The following COTL1 variants were observed in gnomAD, a reference collection of about 807,000 sequenced individuals.
COTL1 encodes coactosin-like protein.
COTL1 carries 15 observed loss-of-function variants against 16.5 expected under a neutral mutation model. That is an observed-to-expected ratio of 0.91 (90% CI 0.61 to 1.40). The LOEUF is 1.40. COTL1 is among the 40% of genes most tolerant of loss of function. The pLI, the probability that COTL1 is intolerant of heterozygous loss-of-function variation, is 0.00. For synonymous variants in COTL1, 112 were observed against 85.3 expected (o/e 1.31, Z -1.73); for missense variants, 220 against 201.5 (o/e 1.09, Z -0.56).
At chr16:84,598,795 T>C (rs1444457109) in intron 2 of COTL1, among the ~76,000 whole-genome samples, 1 of 11,952 alleles carries the variant, frequency 8.4e-5, no homozygotes, top group Non-Finnish European at 1.9e-4. Context: ...GAGAACCAAG[T>C]GGGGGCGGCG....
intron 2 of COTL1, among the ~76,000 whole-genome samples, chr16:84,609,125 G>A (rs113962364): frequency 1.1e-4 from 17 of 152,204 alleles, no homozygotes; most frequent in South Asian, 6.2e-4. Flanking sequence ...TCTGAAACCC[G>A]GGTGTGTATG....
intron 2 of COTL1, among the ~76,000 whole-genome samples, chr16:84,614,566 TGAGTGCCA>T (rs1361074994): frequency 1.3e-5 from 2 of 151,968 alleles, no homozygotes; most frequent in African/African-American, 4.8e-5. Flanking sequence ...AGAGAATGCC[TGAGTGCCA>T]GAGTGGGGAG....
intron 3 of COTL1, among the ~76,000 whole-genome samples, chr16:84,578,696 T>C (rs1055379459): frequency 2.0e-5 from 3 of 147,120 alleles, no homozygotes; most frequent in Admixed American, 2.0e-4. Flanking sequence ...CACAGGAATG[T>C]ACCCACACAG....
chr16:84,615,563 T>C (rs1054938239), intron 2 of COTL1, among the ~76,000 whole-genome samples: 1 of 152,060 alleles, frequency 6.6e-6, no homozygotes, highest in African/African-American at 2.4e-5. Flanking sequence ...AGAAGCTGAA[T>C]TTAGGGAGGG....
intron 2 of COTL1, among the ~76,000 whole-genome samples, chr16:84,601,629 G>A (rs565062561): frequency 1.3e-5 from 2 of 152,268 alleles, no homozygotes; most frequent in East Asian, 1.9e-4. Flanking sequence ...GCTAATTTTT[G>A]TATTTTAATA....
In COTL1 at chr16:84,590,072, C is replaced by T. The variant is rs192378634; in HGVS notation, c.318+33G>A. The T allele has an allele frequency of 2.5e-6, 4 of 1,586,142 alleles. No individual in the cohort carries two copies. The South Asian group carries it at 3.4e-5, about 13-fold the overall frequency. ...TTGCAGGATGGTGACCCTTGGCGAGCTTTGACCTCCAGACTCTGGAGGAAC... is the reference window on the plus strand; with the variant it reads ...TTGCAGGATGGTGACCCTTGGCGAGTTTTGACCTCCAGACTCTGGAGGAAC... On this transcript the variant is annotated intron_variant, in intron 3 of 3. Transcript: ENST00000262428. This position sits in a 1 kb window ranked among gnomAD's most constrained non-coding sequence, Gnocchi z 5.5.
intron 3 of COTL1, 115 bp from the exon 4 acceptor site, chr16:84,567,070 AAATGGAAATTCAGCAGCAGAGTCAGTC>A (rs71666353): frequency 0.029 from 20,598 of 717,876 alleles, 558 homozygotes; most frequent in African/African-American, 0.1. Flanking sequence ...TGAGAGATGG[AAATGGAAATTCAGCAGCAGAGTCAGTC>A]AATGGAAATT....
intron 3 of COTL1, among the ~76,000 whole-genome samples, chr16:84,572,524 G>A (rs144262505): frequency 4.6e-5 from 7 of 151,962 alleles, no homozygotes; most frequent in African/African-American, 4.8e-5. Context: ...GCAGTGGTGC[G>A]ATCTCGGCTC....
intron 2 of COTL1, among the ~76,000 whole-genome samples, chr16:84,610,476 ATTC>A (rs1905298046): frequency 6.6e-6 from 1 of 152,108 alleles, no homozygotes; most frequent in Non-Finnish European, 1.5e-5. Context: ...AGCCCTCATT[ATTC>A]TTATTTGTTT....
Position 84,604,010 on chromosome 16 carries a change from C to T in COTL1, c.160+13491G>A, listed in dbSNP as rs1328939125. On this transcript the variant is annotated intron_variant, in intron 2 of 3. Coordinates refer to ENST00000262428, the MANE Select transcript of COTL1 (RefSeq NM_021149.5). Reference sequence around the variant, plus strand: ...CCTCCCTGATGGCCCCCACCCCATGCTCCCCACTCCCTACTACCCCCGCAA... The same window carrying T: ...CCTCCCTGATGGCCCCCACCCCATGTTCCCCACTCCCTACTACCCCCGCAA... Among the ~76,000 whole-genome samples, 3 of 114,250 alleles carry T rather than the reference C, an allele frequency of 2.6e-5. No homozygotes were observed. In the East Asian group the frequency reaches 9.4e-4, roughly 36 times the overall value. 75.0% of individuals were successfully genotyped at this position (114,250 alleles called of 152,430 possible).
chr16:84,608,311 G>A (rs1905253554), intron 2 of COTL1, among the ~76,000 whole-genome samples: 1 of 151,910 alleles, frequency 6.6e-6, no homozygotes, highest in Non-Finnish European at 1.5e-5. Context: ...TAGTGTTTAG[G>A]GAATGCTTTT....
intron 3 of COTL1, among the ~76,000 whole-genome samples, chr16:84,578,592 C>T (rs1024038802): frequency 2.6e-5 from 4 of 152,028 alleles, no homozygotes; most frequent in Non-Finnish European, 4.4e-5. Context: ...CAGGCATGCA[C>T]GCACACAAAC....
intron 3 of COTL1, among the ~76,000 whole-genome samples, chr16:84,582,612 A>G (rs1439280707): frequency 6.6e-6 from 1 of 152,224 alleles, no homozygotes; most frequent in Admixed American, 6.5e-5. Context: ...CATAGTAGAT[A>G]CAGATATAGG....
chr16:84,572,232 C>T (rs1904350223), intron 3 of COTL1, among the ~76,000 whole-genome samples: 2 of 152,200 alleles, frequency 1.3e-5, no homozygotes, highest in African/African-American at 2.4e-5. Flanking sequence ...AGGGAGCCTG[C>T]GTGGAGCAGC....
At chr16:84,583,162 A>T (rs917648499) in intron 3 of COTL1, among the ~76,000 whole-genome samples, 1 of 152,200 alleles carries the variant, frequency 6.6e-6, no homozygotes, top group African/African-American at 2.4e-5. Flanking sequence ...GATTCCAGGC[A>T]TAGCTTTGCC....
chr16:84,570,573 C>T (rs543541864), intron 3 of COTL1, among the ~76,000 whole-genome samples: 1 of 151,072 alleles, frequency 6.6e-6, no homozygotes, highest in East Asian at 1.9e-4. Flanking sequence ...GTTATACAAA[C>T]AAAAGTATAT....
intron 3 of COTL1, among the ~76,000 whole-genome samples, chr16:84,589,112 A>G (rs1360109636): frequency 6.6e-6 from 1 of 152,040 alleles, no homozygotes. Flanking sequence ...CTGGGACTAC[A>G]GCCATGTGCC....
chr16:84,601,762 G>A (rs566293490), intron 2 of COTL1, among the ~76,000 whole-genome samples: 50 of 152,318 alleles, frequency 3.3e-4, no homozygotes, highest in African/African-American at 1.2e-3. Flanking sequence ...CCTGATCAGG[G>A]TCTTGAAGGA....
At chr16:84,607,602 C>T (rs917465903) in intron 2 of COTL1, among the ~76,000 whole-genome samples, 3 of 152,112 alleles carry the variant, frequency 2.0e-5, no homozygotes, top group Admixed American at 6.5e-5. Context: ...AGGTCAGCAT[C>T]GTGTGTGTTG....
Sources: gnomAD v4.1 joint callset for allele counts (sites outside exome capture counted in the v4.1 genomes callset) on GRCh38, gnomAD v4.1.1 for gene constraint, Gnocchi (gnomAD v3.1) non-coding constraint, MANE v1.5 for transcripts, NCBI Gene and HGNC (gene_info 2026-07-23, HGNC 2026-07-21) for gene names.